The following CCDC148 variants were observed in gnomAD, a reference collection of about 807,000 sequenced individuals.
The protein encoded by CCDC148 is coiled-coil domain-containing protein 148.
Under a neutral mutation model 85.7 loss-of-function variants are expected in CCDC148, and 89 were observed. The observed-to-expected ratio is 1.04, with a 90% CI of 0.87 to 1.24. The LOEUF (loss-of-function observed/expected upper bound fraction) is 1.24. Among genes scored for constraint, CCDC148 ranks in the 50% most tolerant of loss-of-function variants. CCDC148 has a pLI of 0.00. For synonymous variants in CCDC148, 230 were observed against 213.9 expected, an observed-to-expected ratio of 1.08 and a Z score of -0.66; for missense variants, 692 against 671.7, an observed-to-expected ratio of 1.03 and a Z score of -0.33.
chr2:158,435,289 C>T (rs1448238273), intron 1 of CCDC148, among the ~76,000 whole-genome samples: 1 of 152,202 alleles, frequency 6.6e-6, no homozygotes, highest in Non-Finnish European at 1.5e-5. Context: ...TCGGCAGAAA[C>T]TCTCCAAGCC....
intron 10 of CCDC148, among the ~76,000 whole-genome samples, chr2:158,234,964 T>C (rs1391508088): frequency 6.6e-6 from 1 of 152,022 alleles, no homozygotes; most frequent in Non-Finnish European, 1.5e-5. Context: ...AATTACACAA[T>C]GGGGCCTTCC....
intron 1 of CCDC148, among the ~76,000 whole-genome samples, chr2:158,359,583 G>A (rs1362279076): frequency 6.6e-6 from 1 of 152,086 alleles, no homozygotes; most frequent in Non-Finnish European, 1.5e-5. Flanking sequence ...CAAGAAGTTG[G>A]GGAAACTCCC....
At chr2:158,215,671 T>A (rs115453365) in intron 11 of CCDC148, among the ~76,000 whole-genome samples, 2 of 152,186 alleles carry the variant, frequency 1.3e-5, no homozygotes, top group African/African-American at 4.8e-5. Flanking sequence ...AGGACTTATA[T>A]GCCAGCAGCA....
chr2:158,449,683 A>G (rs1186882837), intron 1 of CCDC148, among the ~76,000 whole-genome samples: 1 of 151,996 alleles, frequency 6.6e-6, no homozygotes, highest in Non-Finnish European at 1.5e-5. Context: ...TCCTGACCTG[A>G]GGTGATCTGC....
At chr2:158,256,599 A>G (rs1689021592) in intron 9 of CCDC148, among the ~76,000 whole-genome samples, 1 of 151,846 alleles carries the variant, frequency 6.6e-6, no homozygotes, top group Non-Finnish European at 1.5e-5. Context: ...AGCAGTGCCT[A>G]TAACTGACAA....
At chr2:158,205,671 ATTCT>A (rs1686204801) in intron 11 of CCDC148, among the ~76,000 whole-genome samples, 2 of 152,270 alleles carry the variant, frequency 1.3e-5, no homozygotes, top group South Asian at 4.1e-4. Context: ...ATGCCAGATG[ATTCT>A]TTGTAGGTTT....
intron 9 of CCDC148, among the ~76,000 whole-genome samples, chr2:158,253,702 G>T (rs939938560): frequency 5.3e-5 from 8 of 151,546 alleles, no homozygotes; most frequent in Non-Finnish European, 1.2e-4. Context: ...AAAAATGATA[G>T]TATTAGAATA....
At chr2:158,269,108 T>C (rs1335467840) in intron 9 of CCDC148, among the ~76,000 whole-genome samples, 6 of 152,274 alleles carry the variant, frequency 3.9e-5, no homozygotes, top group African/African-American at 2.4e-5. Flanking sequence ...ATATGGTAGT[T>C]CTACTTTTAA....
intron 10 of CCDC148, among the ~76,000 whole-genome samples, chr2:158,225,370 T>G (rs4505473): frequency 6.6e-6 from 1 of 151,734 alleles, no homozygotes; most frequent in Non-Finnish European, 1.5e-5. Flanking sequence ...ACTTAAACAC[T>G]CCACTGTCAA....
rs145274828 is a variant in CCDC148, at chr2:158,327,452, G to A, written c.764+11274C>T. Reference sequence around the variant, plus strand: ...ACCTACCACCTCAGGAAGCTATAATGTCAGAATATGATCACATGAGCAACG... The same window carrying A: ...ACCTACCACCTCAGGAAGCTATAATATCAGAATATGATCACATGAGCAACG... On this transcript the variant is annotated intron_variant, in intron 7 of 13. Transcript: ENST00000283233. Among the ~76,000 whole-genome samples, 404 of 152,254 alleles carry A rather than the reference G, an allele frequency of 2.7e-3. 3 individuals are homozygous for A. The highest frequency in any genetic ancestry group is 9.0e-3 in the African/African-American group (376 of 41,554).
intron 9 of CCDC148, among the ~76,000 whole-genome samples, chr2:158,278,750 T>A (rs576424713): frequency 1.3e-5 from 2 of 152,390 alleles, no homozygotes; most frequent in Non-Finnish European, 2.9e-5. Context: ...TAAATGTCCC[T>A]GTCTGACAGC....
intron 11 of CCDC148, among the ~76,000 whole-genome samples, chr2:158,219,168 TA>T (rs1464597976): frequency 6.6e-6 from 1 of 152,184 alleles, no homozygotes; most frequent in African/African-American, 2.4e-5. Flanking sequence ...GCAGAAAGTA[TA>T]GAGTTCCAGG....
Position 158,309,487 on chromosome 2 carries a change from C to A in CCDC148, c.1056G>T (p.Met352Ile). ...GTTGCTTTTTCTTGTCCTTAGCCAA[C>A]ATGCTCTCCATTTCATGTGTTGCAC... ...EACATHEMES[M>I]LAKDKKKQQE... The change falls in exon 9 of 14, where the codon ATG becomes ATT. Residue 352 changes from methionine to isoleucine, a missense_variant. Coordinates refer to ENST00000283233, the MANE Select transcript of CCDC148 (RefSeq NM_138803.4). 1 of 1,614,216 alleles carries A rather than the reference C, an allele frequency of 6.2e-7. No individual in the cohort carries two copies. The highest frequency in any genetic ancestry group is 1.1e-5 in the South Asian group (1 of 91,090).
At chr2:158,199,614 G>A (rs924867684) in intron 11 of CCDC148, among the ~76,000 whole-genome samples, 14 of 152,130 alleles carry the variant, frequency 9.2e-5, no homozygotes, top group Non-Finnish European at 1.3e-4. Flanking sequence ...ACAGACTTTA[G>A]GTGCTTCTAG....
At chr2:158,187,988 C>T (rs954700651) in intron 11 of CCDC148, among the ~76,000 whole-genome samples, 13 of 151,958 alleles carry the variant, frequency 8.6e-5, no homozygotes, top group African/African-American at 3.1e-4. Context: ...ATAAGTTTGA[C>T]ATCTTCTTGT....
At chr2:158,222,772 A>G (rs1687257047) in intron 10 of CCDC148, among the ~76,000 whole-genome samples, 1 of 152,148 alleles carries the variant, frequency 6.6e-6, no homozygotes, top group Non-Finnish European at 1.5e-5. Context: ...ACCTGTCGTT[A>G]TCATTGGCAT....
chr2:158,281,077 G>T (rs954659661), intron 9 of CCDC148, among the ~76,000 whole-genome samples: 4 of 152,008 alleles, frequency 2.6e-5, no homozygotes, highest in African/African-American at 9.7e-5. Context: ...CTTTGAAACC[G>T]ACGAGAACAA....
chr2:158,353,115 C>T (rs1683413339), intron 2 of CCDC148, among the ~76,000 whole-genome samples: 1 of 151,264 alleles, frequency 6.6e-6, no homozygotes, highest in Non-Finnish European at 1.5e-5. Flanking sequence ...CCAGCCGCTG[C>T]AAAATCATGC....
intron 9 of CCDC148, among the ~76,000 whole-genome samples, chr2:158,306,298 G>A (rs923510135): frequency 2.6e-5 from 4 of 151,992 alleles, no homozygotes; most frequent in Non-Finnish European, 1.5e-5. Context: ...TGAGGCAGGT[G>A]GATCATGAGG....
Sources: gnomAD v4.1 joint callset for allele counts (sites outside exome capture counted in the v4.1 genomes callset) on GRCh38, gnomAD v4.1.1 for gene constraint, MANE v1.5 for transcripts, NCBI Gene and HGNC (gene_info 2026-07-23, HGNC 2026-07-21) for gene names.